The following TMEM108 variants were observed in gnomAD, a reference collection of about 807,000 sequenced individuals.
The protein encoded by TMEM108 is cancer/testis antigen 124.
In TMEM108, 12 loss-of-function variants were observed where a neutral mutation model predicts 35.1. The observed-to-expected ratio is 0.34, with a 90% CI of 0.22 to 0.55. The LOEUF is 0.55. Among genes scored for constraint, TMEM108 ranks in the 20% least tolerant of loss-of-function variants. TMEM108 has a pLI of 0.89. For synonymous variants in TMEM108, 287 were observed against 308.6 expected (o/e 0.93, Z 0.73); for missense variants, 680 against 753.3 (o/e 0.90, Z 1.14).
At chr3:133,053,454 T>G (rs1387064350) in intron 2 of TMEM108, among the ~76,000 whole-genome samples, 1 of 152,218 alleles carries the variant, frequency 6.6e-6, no homozygotes, top group Non-Finnish European at 1.5e-5. Context: ...GGTCTGAGAA[T>G]TGTTCTACAA....
chr3:133,368,570 C>G (rs2072565672), intron 3 of TMEM108, among the ~76,000 whole-genome samples: 1 of 152,128 alleles, frequency 6.6e-6, no homozygotes, highest in Non-Finnish European at 1.5e-5. Flanking sequence ...GATGTGTGTG[C>G]ATTTGATGCA....
At chr3:133,214,239 A>G (rs1945873931) in intron 2 of TMEM108, among the ~76,000 whole-genome samples, 1 of 152,158 alleles carries the variant, frequency 6.6e-6, no homozygotes, top group African/African-American at 2.4e-5. Flanking sequence ...AGAGCTCAAG[A>G]AACTAGTTTA....
intron 3 of TMEM108, among the ~76,000 whole-genome samples, chr3:133,326,927 C>T (rs1045849811): frequency 6.6e-6 from 1 of 152,192 alleles, no homozygotes; most frequent in African/African-American, 2.4e-5. Flanking sequence ...ATTATTTTCC[C>T]ACCTCCGTTA....
In TMEM108 at chr3:133,144,415, T is replaced by C. The variant is rs976770511; in HGVS notation, c.-46-84851T>C. 3.9e-5 allele frequency among the ~76,000 whole-genome samples: 6 copies of C among 152,336 alleles called. No homozygotes were observed. In the East Asian group the frequency reaches 1.2e-3, roughly 29 times the overall value. ...GGTTCCAAGTCTTTGCTATTGTGAATAGTGCTGCAATAAACATACGTGTGC... is the reference window on the plus strand; with the variant it reads ...GGTTCCAAGTCTTTGCTATTGTGAACAGTGCTGCAATAAACATACGTGTGC... On this transcript the variant is annotated intron_variant, in intron 2 of 5. Transcript: ENST00000321871.
intron 2 of TMEM108, among the ~76,000 whole-genome samples, chr3:133,111,749 G>A (rs1440100707): frequency 6.6e-6 from 1 of 152,108 alleles, no homozygotes; most frequent in Non-Finnish European, 1.5e-5. Flanking sequence ...CCACCCACAA[G>A]GTGGCTTGTT....
intron 3 of TMEM108, among the ~76,000 whole-genome samples, chr3:133,252,800 G>C (rs760934885): frequency 6.6e-6 from 1 of 152,136 alleles, no homozygotes; most frequent in African/African-American, 2.4e-5. Context: ...CTCCATTCTT[G>C]CATACAGTGT....
intron 3 of TMEM108, among the ~76,000 whole-genome samples, chr3:133,276,811 T>C (rs1946844476): frequency 6.6e-6 from 1 of 152,204 alleles, no homozygotes; most frequent in Non-Finnish European, 1.5e-5. Flanking sequence ...GCTCAGAGCC[T>C]GCATCAAAAG....
At chr3:133,327,867 T>C (rs1223134636) in intron 3 of TMEM108, among the ~76,000 whole-genome samples, 2 of 151,964 alleles carry the variant, frequency 1.3e-5, no homozygotes, top group East Asian at 3.9e-4. Context: ...AAGGAAAAAG[T>C]GCAGGCAGGA....
intron 3 of TMEM108, among the ~76,000 whole-genome samples, chr3:133,332,028 T>A (rs2071399694): frequency 6.6e-6 from 1 of 152,130 alleles, no homozygotes. Context: ...GAGTTACATG[T>A]TGGTTGGAAG....
intron 3 of TMEM108, among the ~76,000 whole-genome samples, chr3:133,285,040 C>G (rs1245359335): frequency 6.6e-6 from 1 of 151,582 alleles, no homozygotes; most frequent in Non-Finnish European, 1.5e-5. Context: ...GAAGATATTT[C>G]TTCATTTATC....
rs115885129 is a variant in TMEM108, at chr3:133,215,029, T to C, written c.-46-14237T>C. The stretch of plus-strand genomic sequence containing the variant: ...TGCTATTGTATATAGTCTCCATGAA[T>C]GTTGAATTATCTAATTTGGAACCAT... On this transcript the variant is annotated intron_variant, in intron 2 of 5. Coordinates refer to ENST00000321871, the MANE Select transcript of TMEM108 (RefSeq NM_023943.4). Among the ~76,000 whole-genome samples the C allele has an allele frequency of 3.1e-3, 474 of 152,240 alleles. 2 individuals carry two copies. Among genetic ancestry groups the C allele is most frequent in the African/African-American group, 0.011 (458 of 41,546 alleles).
intron 3 of TMEM108, among the ~76,000 whole-genome samples, chr3:133,367,220 G>A (rs1171006295): frequency 6.6e-6 from 1 of 152,164 alleles, no homozygotes; most frequent in Non-Finnish European, 1.5e-5. Flanking sequence ...AGACCATAGT[G>A]TCATTCTCAG....
chr3:133,189,785 G>A (rs1390980527), intron 2 of TMEM108, among the ~76,000 whole-genome samples: 6 of 152,094 alleles, frequency 3.9e-5, no homozygotes, highest in African/African-American at 4.8e-5. Context: ...TATTAAAGGC[G>A]GCCAAAAGTA....
At chr3:133,052,875 C>T (rs979038904) in intron 2 of TMEM108, among the ~76,000 whole-genome samples, 2 of 152,060 alleles carry the variant, frequency 1.3e-5, no homozygotes, top group Non-Finnish European at 2.9e-5. Context: ...TCAAGATGTC[C>T]CCCTACATTT....
intron 2 of TMEM108, among the ~76,000 whole-genome samples, chr3:133,063,453 A>G (rs934875180): frequency 6.6e-5 from 10 of 152,164 alleles, no homozygotes; most frequent in African/African-American, 2.2e-4. Flanking sequence ...TGGGGAGAAA[A>G]TAGTCACCAC....
At chr3:133,041,094 G>A (rs1053462424) in intron 1 of TMEM108, among the ~76,000 whole-genome samples, 1 of 152,194 alleles carries the variant, frequency 6.6e-6, no homozygotes, top group African/African-American at 2.4e-5. Context: ...GAAGCATTGG[G>A]GAAAGAGGAG....
At chr3:133,048,372 A>G (rs1387457270) in intron 2 of TMEM108, among the ~76,000 whole-genome samples, 1 of 152,192 alleles carries the variant, frequency 6.6e-6, no homozygotes, top group Non-Finnish European at 1.5e-5. Context: ...CTTCTTTAGG[A>G]ATATGGAAAG....
intron 3 of TMEM108, among the ~76,000 whole-genome samples, chr3:133,258,719 C>T (rs1946583099): frequency 6.6e-6 from 1 of 152,168 alleles, no homozygotes; most frequent in South Asian, 2.1e-4. Flanking sequence ...CAAAACTTTG[C>T]ATGAAGCAAA....
intron 2 of TMEM108, among the ~76,000 whole-genome samples, chr3:133,063,801 A>C (rs927855434): frequency 3.3e-5 from 5 of 152,118 alleles, no homozygotes; most frequent in Non-Finnish European, 5.9e-5. Flanking sequence ...TCTTATACAG[A>C]GCACATAGGG....
Sources: allele counts gnomAD v4.1 joint callset (sites outside exome capture counted in the v4.1 genomes callset), GRCh38; gene constraint gnomAD v4.1.1; transcripts MANE v1.5; gene names NCBI Gene and HGNC (gene_info 2026-07-23, HGNC 2026-07-21).